Variants in PCSK2 observed in about 807,000 individuals in gnomAD.
PCSK2 encodes neuroendocrine convertase 2.
PCSK2 carries 14 observed loss-of-function variants against 69.7 expected under a neutral mutation model. The observed-to-expected ratio is 0.20, with a 90% confidence interval of 0.13 to 0.31. PCSK2 has a LOEUF of 0.31. Among genes scored for constraint, PCSK2 ranks in the 10% least tolerant of loss-of-function variants. The pLI is 1.00. For missense variants in PCSK2, 544 were observed against 842.5 expected (o/e 0.65, Z 4.39); for synonymous variants, 307 against 320.7 (o/e 0.96, Z 0.46).
chr20:17,382,785 A>G (rs1001273847), intron 5 of PCSK2, among the ~76,000 whole-genome samples: 2 of 152,126 alleles, frequency 1.3e-5, no homozygotes, highest in Non-Finnish European at 2.9e-5. Context: ...TAAAACCAAC[A>G]GGTGGCTCTC....
rs75660019 is a variant in PCSK2, at chr20:17,377,108, T to C, written c.543+7831T>C. On this transcript the variant is annotated intron_variant, in intron 5 of 11. Transcript: ENST00000262545. ...GAGAGAATACGATTCGAGAGGTGAA[T>C]AATCCACAGGCAAATAACTACAAGC... 2.8e-4 allele frequency among the ~76,000 whole-genome samples: 42 copies of C among 152,336 alleles called. No individual in the cohort carries two copies. In the East Asian group the frequency reaches 7.5e-3, roughly 27 times the overall value.
At chr20:17,396,848 T>G in intron 5 of PCSK2, among the ~76,000 whole-genome samples, 1 of 152,100 alleles carries the variant, frequency 6.6e-6, no homozygotes, top group East Asian at 1.9e-4. Flanking sequence ...CAAGGTCAGT[T>G]TTGTCACCAT....
chr20:17,249,615 G>T (rs889686810), intron 1 of PCSK2, among the ~76,000 whole-genome samples: 26 of 152,130 alleles, frequency 1.7e-4, no homozygotes, highest in African/African-American at 4.1e-4. Context: ...TCCATCAACG[G>T]ATGAATGGAT....
intron 2 of PCSK2, among the ~76,000 whole-genome samples, chr20:17,334,938 T>C (rs1990302955): frequency 6.6e-6 from 1 of 152,246 alleles, no homozygotes; most frequent in African/African-American, 2.4e-5. Flanking sequence ...GAGGCAAATC[T>C]GGTGTAAAAC....
intron 7 of PCSK2, among the ~76,000 whole-genome samples, chr20:17,433,170 A>T (rs1211765371): frequency 1.3e-5 from 2 of 152,336 alleles, no homozygotes; most frequent in East Asian, 3.9e-4. Context: ...AAAAATATTT[A>T]AAAACCACAC....
chr20:17,429,611 G>A (rs1231270831), intron 7 of PCSK2, 88 bp downstream of exon 7: 7 of 850,026 alleles, frequency 8.2e-6, no homozygotes, highest in Non-Finnish European at 1.3e-5. Context: ...TCCCACTGGT[G>A]CAGAAAAGCT....
chr20:17,449,671 G>T (rs1180557515), intron 8 of PCSK2, among the ~76,000 whole-genome samples: 1 of 151,764 alleles, frequency 6.6e-6, no homozygotes, highest in Non-Finnish European at 1.5e-5. Context: ...GGGACTACAG[G>T]CATGCACCAC....
intron 2 of PCSK2, among the ~76,000 whole-genome samples, chr20:17,316,191 T>A (rs1302753483): frequency 1.3e-5 from 2 of 152,196 alleles, no homozygotes; most frequent in African/African-American, 2.4e-5. Flanking sequence ...CAGTAAATAT[T>A]AACTACCGAC....
Position 17,436,742 on chromosome 20 carries a change from C to T in PCSK2, c.744C>T (p.Asp248=), listed in dbSNP as rs149482369. Residue 248 remains aspartate (D), a synonymous_variant, in exon 8 of 12, where the codon GAC becomes GAT. Coordinates refer to ENST00000262545, the MANE Select transcript of PCSK2 (RefSeq NM_002594.5). Reference sequence around the variant, plus strand: ...TGCTGGACCAGCCATTCATGACAGACATCATCGAGGCCTCCTCCATCAGTC... The same window carrying T: ...TGCTGGACCAGCCATTCATGACAGATATCATCGAGGCCTCCTCCATCAGTC... ...IRMLDQPFMT[D]IIEASSISHM... is the part of the protein sequence containing the mutation. 72 of 1,613,896 alleles carry T rather than the reference C, an allele frequency of 4.5e-5. No individual in the cohort carries two copies. The East Asian group carries it at 1.6e-3, about 35-fold the overall frequency.
At chr20:17,319,650 AT>A (rs1442202916) in intron 2 of PCSK2, among the ~76,000 whole-genome samples, 1 of 152,118 alleles carries the variant, frequency 6.6e-6, no homozygotes, top group African/African-American at 2.4e-5. Context: ...TAGGGCCAGT[AT>A]GGGCAGGAAA....
chr20:17,468,079 A>G (rs569344825), intron 11 of PCSK2, among the ~76,000 whole-genome samples: 61 of 49,872 alleles, frequency 1.2e-3, no homozygotes, highest in Admixed American at 2.8e-3. Flanking sequence ...CCCACGGGCC[A>G]GTGTCCTCCC....
chr20:17,421,505 T>C (rs940242316), intron 6 of PCSK2, among the ~76,000 whole-genome samples: 34 of 152,174 alleles, frequency 2.2e-4, no homozygotes, highest in African/African-American at 8.0e-4. Flanking sequence ...AGTTCTAATA[T>C]GTCTAACACT....
chr20:17,413,415 A>G (rs571790770), intron 6 of PCSK2, among the ~76,000 whole-genome samples: 1 of 152,362 alleles, frequency 6.6e-6, no homozygotes, highest in East Asian at 1.9e-4. Context: ...TTAAACCAAC[A>G]AAGATCAAAA....
chr20:17,464,920 CAT>C (rs2123400395), intron 10 of PCSK2: 1 of 263,220 alleles, frequency 3.8e-6, no homozygotes, highest in South Asian at 5.0e-5. Context: ...ATTTCCAGGC[CAT>C]AGCTTAAGCT....
At chr20:17,355,228 G>T (rs1165829354) in intron 2 of PCSK2, among the ~76,000 whole-genome samples, 3 of 152,182 alleles carry the variant, frequency 2.0e-5, no homozygotes, top group African/African-American at 7.2e-5. Context: ...TTCCTGCACT[G>T]TTATTTATAA....
chr20:17,270,736 A>C (rs182880955), intron 2 of PCSK2, among the ~76,000 whole-genome samples: 24 of 152,228 alleles, frequency 1.6e-4, no homozygotes, highest in African/African-American at 5.8e-4. Context: ...TTCTTCTCCC[A>C]ACAGAAGCAA....
intron 1 of PCSK2, among the ~76,000 whole-genome samples, chr20:17,245,419 A>G (rs922717512): frequency 1.3e-5 from 2 of 152,216 alleles, no homozygotes; most frequent in African/African-American, 2.4e-5. Context: ...TTAAAGGGAT[A>G]TCTTGCTTGT....
intron 8 of PCSK2, among the ~76,000 whole-genome samples, chr20:17,441,342 T>C (rs1335244668): frequency 6.6e-6 from 1 of 152,230 alleles, no homozygotes; most frequent in African/African-American, 2.4e-5. Flanking sequence ...ATAAAACCCC[T>C]TTCTTTCTCC....
intron 11 of PCSK2, among the ~76,000 whole-genome samples, chr20:17,466,243 C>T (rs1035275746): frequency 1.3e-5 from 2 of 152,202 alleles, no homozygotes; most frequent in African/African-American, 4.8e-5. Context: ...TTACTTCTAA[C>T]TCCATAGCTT....
Sources: gnomAD v4.1 joint callset for allele counts (sites outside exome capture counted in the v4.1 genomes callset) on GRCh38, gnomAD v4.1.1 for gene constraint, MANE v1.5 for transcripts, NCBI Gene and HGNC (gene_info 2026-07-23, HGNC 2026-07-21) for gene names.